Variants in BOLL observed in about 807,000 individuals in gnomAD.
The protein encoded by BOLL is protein boule-like.
Under a neutral mutation model 44.4 loss-of-function variants are expected in BOLL, and 23 were observed. That is an observed-to-expected ratio of 0.52 (90% CI 0.37 to 0.73). The LOEUF is 0.73. Among genes scored for constraint, BOLL ranks in the 30% least tolerant of loss-of-function variants. BOLL has a pLI of 0.00. For synonymous variants in BOLL, 97 were observed against 110.8 expected (o/e 0.88, Z 0.78); for missense variants, 287 against 338.3 (o/e 0.85, Z 1.19).
intron 9 of BOLL, among the ~76,000 whole-genome samples, chr2:197,748,770 G>A (rs1688100440): frequency 6.6e-6 from 1 of 152,220 alleles, no homozygotes; most frequent in African/African-American, 2.4e-5. Flanking sequence ...ATCTCCCTGG[G>A]ACAAAACACC....
intron 5 of BOLL, chr2:197,774,245 G>A: frequency 1.1e-5 from 2 of 187,622 alleles, no homozygotes; most frequent in South Asian, 9.8e-5. Flanking sequence ...ATGATATTAT[G>A]GAACAGAATG....
intron 10 of BOLL, among the ~76,000 whole-genome samples, chr2:197,742,272 T>C (rs1399556325): frequency 6.6e-6 from 1 of 152,166 alleles, no homozygotes; most frequent in Non-Finnish European, 1.5e-5. Flanking sequence ...CTCAGGGATC[T>C]AGAACTAGAA....
chr2:197,753,517 C>T (rs1281195209), intron 9 of BOLL, among the ~76,000 whole-genome samples: 1 of 152,056 alleles, frequency 6.6e-6, no homozygotes. Flanking sequence ...TTTATGTGGC[C>T]ACCAAACATA....
chr2:197,773,775 A>G (rs775340166), intron 5 of BOLL, among the ~76,000 whole-genome samples: 1 of 151,932 alleles, frequency 6.6e-6, no homozygotes, highest in Non-Finnish European at 1.5e-5. Context: ...GCATAAGACA[A>G]TAAGAGGTGC....
chr2:197,774,981 G>T (rs1343404445), intron 5 of BOLL, among the ~76,000 whole-genome samples: 6 of 151,758 alleles, frequency 4.0e-5, no homozygotes, highest in African/African-American at 1.4e-4. Context: ...ACTAGGATGT[G>T]GCTAAGGGAA....
At chr2:197,770,065 A>G (rs571176517) in intron 6 of BOLL, among the ~76,000 whole-genome samples, 11 of 152,320 alleles carry the variant, frequency 7.2e-5, no homozygotes, top group African/African-American at 2.6e-4. Context: ...CAAAAAGAAC[A>G]AAGCTGGAGG....
chr2:197,775,410 GAT>G (rs1491089855), intron 5 of BOLL, among the ~76,000 whole-genome samples: 1 of 151,606 alleles, frequency 6.6e-6, no homozygotes, highest in African/African-American at 2.4e-5. Context: ...CATCACGAAA[GAT>G]TTTTTTTCCT....
intron 10 of BOLL, among the ~76,000 whole-genome samples, chr2:197,735,193 T>C (rs192799435): frequency 2.8e-4 from 42 of 152,228 alleles, no homozygotes; most frequent in Admixed American, 2.7e-3. Flanking sequence ...ATTTTTTCTA[T>C]TATTCCTGCC....
At chr2:197,750,646 G>A (rs1264448871) in intron 9 of BOLL, among the ~76,000 whole-genome samples, 3 of 152,148 alleles carry the variant, frequency 2.0e-5, no homozygotes, top group Admixed American at 6.5e-5. Flanking sequence ...GATTCACAAA[G>A]CAGGTTCTTA....
intron 9 of BOLL, among the ~76,000 whole-genome samples, chr2:197,752,730 A>T (rs1226713842): frequency 6.6e-6 from 1 of 152,232 alleles, no homozygotes; most frequent in Non-Finnish European, 1.5e-5. Context: ...CATACTGCCC[A>T]AAGTAATTTA....
chr2:197,763,640 C>CA lies in BOLL; in HGVS notation c.552+2891dup, dbSNP rs577313808. ...AATACCAGATCTTCCCAAACTATTC[C>CA]AAAAAATTGAAGCAGAGGGAATTCT... On this transcript the variant is annotated intron_variant, in intron 7 of 10. Transcript: ENST00000392296. 3.3e-3 allele frequency among the ~76,000 whole-genome samples: 497 copies of CA among 152,130 alleles called. 3 individuals are homozygous for CA. The highest frequency in any genetic ancestry group is 3.9e-3 in the Non-Finnish European group (262 of 67,984).
chr2:197,741,315 G>T (rs144927054), intron 10 of BOLL, among the ~76,000 whole-genome samples: 7 of 152,140 alleles, frequency 4.6e-5, no homozygotes, highest in Admixed American at 2.6e-4. Context: ...TACTTGTGAT[G>T]TTTGTACATT....
intron 9 of BOLL, chr2:197,755,994 GA>G (rs1688502238): frequency 6.6e-6 from 1 of 152,216 alleles, no homozygotes; most frequent in Non-Finnish European, 1.5e-5. Flanking sequence ...ATAATTTAAA[GA>G]TGCTGAAGAG....
At chr2:197,763,241 G>C (rs985434595) in intron 7 of BOLL, among the ~76,000 whole-genome samples, 1 of 152,156 alleles carries the variant, frequency 6.6e-6, no homozygotes, top group African/African-American at 2.4e-5. Context: ...CCAGCACTTT[G>C]GGAGGCCGAG....
chr2:197,748,005 A>G (rs1353167850), intron 9 of BOLL, among the ~76,000 whole-genome samples: 1 of 152,196 alleles, frequency 6.6e-6, no homozygotes, highest in Non-Finnish European at 1.5e-5. Flanking sequence ...CAGTGAGAAC[A>G]ATGTAGAAGG....
chr2:197,781,579 A>T, intron 2 of BOLL, 143 bp downstream of exon 2: 1 of 882,102 alleles, frequency 1.1e-6, no homozygotes, highest in Non-Finnish European at 1.6e-6. Flanking sequence ...ATGCTGGTTG[A>T]AAAGATTCTT....
rs921014323 is a variant in BOLL, at chr2:197,771,921, A to C, written c.414T>G (p.Tyr138Ter). 2.5e-6 allele frequency: 4 copies of C among 1,598,816 alleles called. No homozygotes were observed. Among genetic ancestry groups the C allele is most frequent in the Non-Finnish European group, 3.4e-6 (4 of 1,170,092 alleles). ...AATAAGCAACACCATTATGGTAAGT[A>C]TAAGGATATCCAGTTGAAGTTGTTA... ...MYLTTSTGYP[Y>*]TYHNGVAYFH... Residue 138 changes from tyrosine (Y) to a stop codon, truncating the protein, a stop_gained, in exon 6 of 11, where the codon TAT (tyrosine) becomes TAG (stop). Coordinates refer to ENST00000392296, the MANE Select transcript of BOLL (RefSeq NM_033030.6). LOFTEE classifies it high-confidence loss of function.
chr2:197,746,403 C>CATCA (rs1389435131), intron 9 of BOLL, among the ~76,000 whole-genome samples: 1 of 152,108 alleles, frequency 6.6e-6, no homozygotes, highest in Admixed American at 6.5e-5. Flanking sequence ...CCTTAGTGTC[C>CATCA]ATCAATCAGT....
At chr2:197,786,077 C>T (rs926263598), upstream of BOLL, 9 of 1,559,516 alleles carry the variant, frequency 5.8e-6, no homozygotes, top group South Asian at 9.5e-5. This position sits in a 1 kb window ranked among gnomAD's most constrained non-coding sequence, Gnocchi z 5.9. Context: ...CACGCCAAGG[C>T]AGCAGCGCTG....
Sources: gnomAD v4.1 joint callset for allele counts (sites outside exome capture counted in the v4.1 genomes callset) on GRCh38, gnomAD v4.1.1 for gene constraint, Gnocchi (gnomAD v3.1) non-coding constraint, MANE v1.5 for transcripts, NCBI Gene and HGNC (gene_info 2026-07-23, HGNC 2026-07-21) for gene names.